GALNT10: variants seen among roughly 807,000 people sequenced by gnomAD.
The protein encoded by GALNT10 is polypeptide N-acetylgalactosaminyltransferase 10.
A neutral mutation model predicts 75.0 loss-of-function variants in GALNT10; 41 were observed. That is an observed-to-expected ratio of 0.55 (90% CI 0.43 to 0.71). GALNT10 has a LOEUF of 0.71. Ranked by LOEUF, GALNT10 falls within the 30% of genes least tolerant of loss-of-function variation. GALNT10 has a pLI of 0.00. For missense variants in GALNT10, 727 were observed against 818.5 expected, an observed-to-expected ratio of 0.89 and a Z score of 1.36; for synonymous variants, 302 against 313.0, an observed-to-expected ratio of 0.96 and a Z score of 0.37.
chr5:154,199,449 CCACAGGGGAGCT>C (rs897851411), intron 1 of GALNT10, among the ~76,000 whole-genome samples: 1 of 152,106 alleles, frequency 6.6e-6, no homozygotes, highest in Non-Finnish European at 1.5e-5. Context: ...CAATCAGCAC[CCACAGGGGAGCT>C]CTGTGGTACT....
At chr5:154,191,052 G>T in intron 1 of GALNT10, 27 bp downstream of exon 1, 1 of 1,373,650 alleles carries the variant, frequency 7.3e-7, no homozygotes, top group Non-Finnish European at 9.5e-7. Flanking sequence ...CTACAGGCCG[G>T]GAACACCCCC....
At chr5:154,296,943 G>A (rs562356936) in intron 2 of GALNT10, among the ~76,000 whole-genome samples, 22 of 152,290 alleles carry the variant, frequency 1.4e-4, no homozygotes, top group Non-Finnish European at 2.5e-4. Flanking sequence ...TGGGCTCCAC[G>A]TCTCAGCTTG....
At chr5:154,328,825 T>C (rs1754798652) in intron 3 of GALNT10, among the ~76,000 whole-genome samples, 1 of 151,700 alleles carries the variant, frequency 6.6e-6, no homozygotes, top group South Asian at 2.1e-4. Context: ...TGAAGGATAT[T>C]AGAAAGGATA....
In GALNT10 at chr5:154,394,207, C is replaced by T. The variant is rs187909874; in HGVS notation, c.1056+7777C>T. Among the ~76,000 whole-genome samples the T allele has an allele frequency of 3.9e-3, 592 of 151,976 alleles. 3 individuals carry two copies. The highest frequency in any genetic ancestry group is 0.014 in the African/African-American group (564 of 41,444). ...CTTTGAGCTTGTTCTGAGAGGAAAA[C>T]CCATTCTCTGGGTAGAGGAATGAAG... On this transcript the variant is annotated intron_variant, in intron 7 of 11. Transcript: ENST00000297107.
intron 4 of GALNT10, among the ~76,000 whole-genome samples, chr5:154,375,067 A>G (rs1474823128): frequency 6.6e-6 from 1 of 152,246 alleles, no homozygotes; most frequent in Admixed American, 6.5e-5. Context: ...GAATGTGGCA[A>G]AAATCTAGAT....
At chr5:154,191,448 C>T (rs1352477981) in intron 1 of GALNT10, among the ~76,000 whole-genome samples, 1 of 53,432 alleles carries the variant, frequency 1.9e-5, no homozygotes, top group Admixed American at 2.2e-4. Context: ...CCCCCCCCCC[C>T]ACAACCCCTA....
chr5:154,337,880 C>T, intron 4 of GALNT10: 2 of 1,225,640 alleles, frequency 1.6e-6, no homozygotes, highest in Non-Finnish European at 1.2e-6. Flanking sequence ...GTATCTCTTG[C>T]TTTGACAGGG....
chr5:154,265,868 C>G (rs1753767668), intron 1 of GALNT10, among the ~76,000 whole-genome samples: 1 of 151,352 alleles, frequency 6.6e-6, no homozygotes, highest in South Asian at 2.1e-4. Context: ...TTGCAGTCAC[C>G]TGGAGTTTTT....
At chr5:154,305,050 C>G (rs1410034337) in intron 3 of GALNT10, among the ~76,000 whole-genome samples, 1 of 152,100 alleles carries the variant, frequency 6.6e-6, no homozygotes, top group Non-Finnish European at 1.5e-5. Flanking sequence ...ACCTGTGATC[C>G]TAGCTACTCA....
chr5:154,360,567 C>T (rs1042706132), intron 4 of GALNT10, among the ~76,000 whole-genome samples: 3 of 151,732 alleles, frequency 2.0e-5, no homozygotes, highest in African/African-American at 7.3e-5. Flanking sequence ...TATAATACAG[C>T]ACAGAATACA....
chr5:154,322,130 C>T (rs1041044828), intron 3 of GALNT10, among the ~76,000 whole-genome samples: 14 of 152,136 alleles, frequency 9.2e-5, no homozygotes, highest in African/African-American at 3.1e-4. Context: ...GTCAGAAATA[C>T]ATCATGCGTG....
intron 1 of GALNT10, among the ~76,000 whole-genome samples, chr5:154,279,298 TG>T (rs1281301326): frequency 0.13 from 18,819 of 140,288 alleles, 1,255 homozygotes; most frequent in African/African-American, 0.15. Context: ...TTGTTGTTGT[TG>T]TTTTGTTTTT....
At chr5:154,204,903 G>C (rs946338391) in intron 1 of GALNT10, among the ~76,000 whole-genome samples, 7 of 152,230 alleles carry the variant, frequency 4.6e-5, no homozygotes, top group Non-Finnish European at 1.0e-4. Flanking sequence ...TAGGGACCTT[G>C]TGTGTCTTAT....
chr5:154,396,990 G>A (rs1284225496), intron 7 of GALNT10, among the ~76,000 whole-genome samples: 3 of 152,012 alleles, frequency 2.0e-5, no homozygotes, highest in Non-Finnish European at 2.9e-5. Flanking sequence ...AGCTGGGCAT[G>A]GTGGTGGGCA....
chr5:154,252,626 T>C (rs775347904), intron 1 of GALNT10, among the ~76,000 whole-genome samples: 2 of 151,936 alleles, frequency 1.3e-5, no homozygotes, highest in Non-Finnish European at 2.9e-5. Flanking sequence ...TCTCCTTCAT[T>C]CCTTCCTTCC....
Position 154,416,867 on chromosome 5 carries a change from T to G in GALNT10, c.1707T>G (p.Ser569Arg), listed in dbSNP as rs1582023595. ...VSGSCMDCSE[S>R]DHRIFMNTCN... ...GCAGCTGCATGGACTGCAGTGAAAG[T>G]GACCATAGGATCTTCATGAACACCT... Residue 569 changes from serine (S) to arginine (R), a missense_variant, in exon 12 of 12, where the codon AGT (serine) becomes AGG (arginine). Transcript: ENST00000297107. The surrounding 1 kb of genome is among the most constrained non-coding windows in gnomAD (Gnocchi z 4.5). 6.2e-7 allele frequency: 1 copy of G among 1,613,218 alleles called. No individual in the cohort carries two copies. The highest frequency in any genetic ancestry group is 8.5e-7 in the Non-Finnish European group (1 of 1,179,078).
At chr5:154,413,946 T>C (rs1046961773) in intron 10 of GALNT10, among the ~76,000 whole-genome samples, 3 of 152,172 alleles carry the variant, frequency 2.0e-5, no homozygotes, top group Admixed American at 6.5e-5. Context: ...TTGTATCCTC[T>C]CAAACTCTCA....
At chr5:154,316,619 C>A (rs990125800) in intron 3 of GALNT10, among the ~76,000 whole-genome samples, 3 of 152,234 alleles carry the variant, frequency 2.0e-5, no homozygotes, top group Admixed American at 6.5e-5. Context: ...TTGTCCCCCA[C>A]AACCCTGATT....
intron 7 of GALNT10, among the ~76,000 whole-genome samples, chr5:154,397,121 C>T (rs1387794431): frequency 8.9e-6 from 1 of 112,144 alleles, no homozygotes; most frequent in Non-Finnish European, 1.6e-5. Context: ...AGCAAGACTC[C>T]GTCTCAAAAA....
Sources: gnomAD v4.1 joint callset for allele counts (sites outside exome capture counted in the v4.1 genomes callset) on GRCh38, gnomAD v4.1.1 for gene constraint, Gnocchi (gnomAD v3.1) non-coding constraint, MANE v1.5 for transcripts, NCBI Gene and HGNC (gene_info 2026-07-23, HGNC 2026-07-21) for gene names.